Variants in BCL2L14 observed in about 807,000 individuals in gnomAD.
The protein encoded by BCL2L14 is apoptosis facilitator Bcl-2-like protein 14.
A neutral mutation model predicts 35.3 loss-of-function variants in BCL2L14; 27 were observed. That is an observed-to-expected ratio of 0.76 (90% confidence interval 0.56 to 1.05). The LOEUF (loss-of-function observed/expected upper bound fraction) is 1.05, where lower values mean the gene tolerates loss of function less well. Ranked by LOEUF, BCL2L14 falls within the 50% of genes least tolerant of loss-of-function variation. The pLI is 0.00. For missense variants in BCL2L14, 377 were observed against 382.6 expected (o/e 0.99, Z 0.12); for synonymous variants, 139 against 145.9 (o/e 0.95, Z 0.34).
chr12:12,075,115 T>C (rs1475582652), intron 1 of BCL2L14, among the ~76,000 whole-genome samples: 2 of 152,112 alleles, frequency 1.3e-5, no homozygotes, highest in African/African-American at 4.8e-5. Flanking sequence ...TTTCTTTTTT[T>C]TCTTTTTATT....
chr12:12,091,049 A>T (rs960074011), intron 4 of BCL2L14, among the ~76,000 whole-genome samples, 200 bp downstream of exon 4: 3 of 152,260 alleles, frequency 2.0e-5, no homozygotes, highest in Admixed American at 1.3e-4. Flanking sequence ...AAACATAAGT[A>T]AACCTTCTGG....
Position 12,056,568 on chromosome 12 carries a change from G to GCTCACT in BCL2L14, c.-272+4723_-272+4728dup, listed in dbSNP as rs1948436010. ...TAATAGGCTGGGCACGGTGGCTCAC[G>GCTCACT]CTCACTCGTAATCCCAGCACTTTGG... On this transcript the variant is annotated intron_variant, in intron 2 of 3. Transcript: ENST00000461264. Among the ~76,000 whole-genome samples the GCTCACT allele has an allele frequency of 3.9e-5, 6 of 152,322 alleles. No homozygotes were observed. The South Asian group carries it at 1.2e-3, about 32-fold the overall frequency.
At position 12,087,265 on chromosome 12, in the gene BCL2L14, C is replaced by T. The variant is rs879732; in HGVS notation, c.486C>T (p.Tyr162=). The T allele has an allele frequency of 0.56, 903,238 of 1,613,752 alleles. 255,121 individuals are homozygous for T. Among genetic ancestry groups the T allele is most frequent in the Middle Eastern group, 0.63 (3,842 of 6,060 alleles). ...SIANRVAEIV[Y]SWPPPQATQA... ...CCAACCGAGTAGCTGAAATTGTTTA[C>T]TCCTGGCCACCACCACAAGCGACCC... Residue 162 remains tyrosine (Y), a synonymous_variant, in exon 3 of 6, where the codon TAC becomes TAT. Coordinates refer to ENST00000308721, the MANE Select transcript of BCL2L14 (RefSeq NM_138723.2).
At chr12:12,088,384 T>C (rs2136767703) in intron 3 of BCL2L14, among the ~76,000 whole-genome samples, 1 of 152,190 alleles carries the variant, frequency 6.6e-6, no homozygotes, top group Admixed American at 6.5e-5. Context: ...ATTACGCAAG[T>C]GGGCTTTCCA....
intron 2 of BCL2L14, among the ~76,000 whole-genome samples, chr12:12,080,803 T>C (rs1205331417): frequency 1.3e-5 from 2 of 152,104 alleles, no homozygotes; most frequent in Non-Finnish European, 2.9e-5. Flanking sequence ...AAAAGGACTC[T>C]TGACAAAGTA....
At chr12:12,063,033 C>A (rs1219478441) in intron 2 of BCL2L14, among the ~76,000 whole-genome samples, 2 of 152,224 alleles carry the variant, frequency 1.3e-5, no homozygotes, top group African/African-American at 4.8e-5. Flanking sequence ...CCCATTTGAG[C>A]TCCCATATAG....
chr12:12,060,078 C>CCTCCTCCCCAGGCTG, intron 2 of BCL2L14, among the ~76,000 whole-genome samples: 1 of 151,790 alleles, frequency 6.6e-6, no homozygotes, highest in Non-Finnish European at 1.5e-5. Context: ...TGACCTCTCT[C>CCTCCTCCCCAGGCTG]CTCCTCGCCA....
In BCL2L14 at chr12:12,052,892, C is replaced by A. The variant is rs1378570038; in HGVS notation, c.-272+1045C>A. On this transcript the variant is annotated intron_variant, in intron 2 of 3. Coordinates refer to the BCL2L14 transcript ENST00000461264. ...TGAGCATTCCAACTTAGGCCAAAGC[C>A]TAAAAGTGAGAAGCCTGCCCATATC... is the stretch of plus-strand genomic sequence containing the variant. 2.6e-5 allele frequency among the ~76,000 whole-genome samples: 4 copies of A among 152,164 alleles called. No individual in the cohort carries two copies. The East Asian group carries it at 7.7e-4, about 29-fold the overall frequency.
chr12:12,083,930 G>A (rs557510004), intron 2 of BCL2L14, among the ~76,000 whole-genome samples: 8 of 152,120 alleles, frequency 5.3e-5, no homozygotes, highest in African/African-American at 1.4e-4. Flanking sequence ...CTTGGATGAC[G>A]GGGTGAAAAA....
upstream of BCL2L14, among the ~76,000 whole-genome samples, chr12:12,070,664 G>A (rs1385624799): frequency 6.7e-6 from 1 of 149,512 alleles, no homozygotes; most frequent in Non-Finnish European, 1.5e-5. Context: ...GCAACAGAGT[G>A]AAACTCTGTC....
intron 3 of BCL2L14, among the ~76,000 whole-genome samples, chr12:12,088,905 T>C (rs528904990): frequency 6.6e-6 from 1 of 152,222 alleles, no homozygotes; most frequent in African/African-American, 2.4e-5. Context: ...GTGTGACATT[T>C]TATTACTATC....
intron 2 of BCL2L14, among the ~76,000 whole-genome samples, chr12:12,059,018 C>G (rs1349291466): frequency 6.6e-6 from 1 of 152,200 alleles, no homozygotes; most frequent in South Asian, 2.1e-4. Flanking sequence ...TTCAATCTCT[C>G]CCTTCTTTTA....
At chr12:12,075,993 G>A (rs374097752) in intron 1 of BCL2L14, among the ~76,000 whole-genome samples, 3 of 151,574 alleles carry the variant, frequency 2.0e-5, no homozygotes, top group East Asian at 3.9e-4. Flanking sequence ...CCTTTAGTGA[G>A]ACCAAGATTG....
intron 2 of BCL2L14, among the ~76,000 whole-genome samples, chr12:12,058,886 T>A (rs1299815190): frequency 6.6e-6 from 1 of 152,238 alleles, no homozygotes; most frequent in African/African-American, 2.4e-5. Context: ...CCTCAGGTTC[T>A]CAGACCAAGC....
chr12:12,093,493 T>C (rs756843691), intron 4 of BCL2L14, among the ~76,000 whole-genome samples: 2 of 151,678 alleles, frequency 1.3e-5, no homozygotes, highest in Non-Finnish European at 2.9e-5. Flanking sequence ...AAAAGTTTCT[T>C]AAGAAAATGA....
chr12:12,075,656 C>G lies in BCL2L14; in HGVS notation c.-7-3643C>G, dbSNP rs1948766124. ...GTCAGGCTGGTCTCAAACTCCCGAC[C>G]TCTGGTGAACTACCCGCCTTGGCCT... On this transcript the variant is annotated intron_variant, in intron 1 of 5. Transcript: ENST00000308721. Among the ~76,000 whole-genome samples the G allele has an allele frequency of 2.0e-5, 3 of 151,098 alleles. No individual in the cohort carries two copies. In the South Asian group the frequency reaches 6.3e-4, roughly 32 times the overall value.
intron 5 of BCL2L14, among the ~76,000 whole-genome samples, chr12:12,096,909 C>G (rs530131475): frequency 6.6e-6 from 1 of 152,220 alleles, no homozygotes; most frequent in East Asian, 1.9e-4. Context: ...TTTGGGAGGC[C>G]GAGGCGGGTG....
intron 1 of BCL2L14, among the ~76,000 whole-genome samples, chr12:12,050,279 C>T (rs1177950149): frequency 6.6e-6 from 1 of 151,726 alleles, no homozygotes; most frequent in Admixed American, 6.6e-5. Flanking sequence ...TTGAAAGAGC[C>T]TCAATTAGCT....
chr12:12,052,682 T>C (rs1022481213), intron 2 of BCL2L14, among the ~76,000 whole-genome samples: 4 of 152,196 alleles, frequency 2.6e-5, no homozygotes, highest in Non-Finnish European at 4.4e-5. Flanking sequence ...GCAATGAACA[T>C]GGGAGTTCAG....
Sources: gnomAD v4.1 joint callset for allele counts (sites outside exome capture counted in the v4.1 genomes callset) on GRCh38, gnomAD v4.1.1 for gene constraint, MANE v1.5 for transcripts, NCBI Gene and HGNC (gene_info 2026-07-23, HGNC 2026-07-21) for gene names.